CFAP300: variants seen among roughly 807,000 people sequenced by gnomAD.
CFAP300 encodes cilia- and flagella-associated protein 300.
In CFAP300, 32 loss-of-function variants were observed where a neutral mutation model predicts 33.0. The ratio of observed to expected loss-of-function variants is 0.97; its 90% CI spans 0.73 to 1.30. The LOEUF (loss-of-function observed/expected upper bound fraction) is 1.30, where lower values mean the gene tolerates loss of function less well. CFAP300 is among the 50% of genes most tolerant of loss of function. CFAP300 has a pLI of 0.00. For missense variants in CFAP300, 356 were observed against 318.1 expected (o/e 1.12, Z -0.90); for synonymous variants, 102 against 106.8 (o/e 0.95, Z 0.28).
At chr11:102,076,360 G>T (rs1942394811) in intron 5 of CFAP300, among the ~76,000 whole-genome samples, 1 of 152,042 alleles carries the variant, frequency 6.6e-6, no homozygotes, top group South Asian at 2.1e-4. Flanking sequence ...TTTTAAATCT[G>T]AAGGGAACAC....
chr11:102,067,579 C>G (rs1488684146), intron 4 of CFAP300, among the ~76,000 whole-genome samples: 3 of 152,166 alleles, frequency 2.0e-5, no homozygotes, highest in Non-Finnish European at 2.9e-5. Context: ...TTTTGAGCCT[C>G]AAGATCTTAT....
At chr11:102,050,085 G>T (rs1302904075) in intron 2 of CFAP300, among the ~76,000 whole-genome samples, 1 of 151,862 alleles carries the variant, frequency 6.6e-6, no homozygotes, top group Non-Finnish European at 1.5e-5. Context: ...AGCTATGATC[G>T]CACCTCTGCA....
At chr11:102,082,970 C>T (rs1430236870) in intron 6 of CFAP300, 101 bp from the exon 7 acceptor site, 2 of 574,538 alleles carry the variant, frequency 3.5e-6, no homozygotes, top group African/African-American at 4.1e-5. Flanking sequence ...GCACTCCAGC[C>T]TGGGCGACGG....
intron 2 of CFAP300, among the ~76,000 whole-genome samples, chr11:102,051,119 G>A (rs544927442): frequency 6.6e-5 from 10 of 152,290 alleles, no homozygotes; most frequent in Middle Eastern, 3.4e-3. Context: ...TGGTTGACTC[G>A]AGTGGCTGAT....
At position 102,084,001 on chromosome 11, in the gene CFAP300, C is replaced by CA. The variant is rs1437963515; in HGVS notation, c.*804dup. 1 of 151,074 alleles carries CA rather than the reference C, an allele frequency of 6.6e-6. No individual in the cohort carries two copies. The highest frequency in any genetic ancestry group is 1.5e-5 in the Non-Finnish European group (1 of 67,940). The allele number at this position is 151,074 out of a possible 1,614,324, so 9.4% of individuals were successfully genotyped here. A position where few individuals can be genotyped will look rare whatever the true frequency, so the allele number is the denominator to read the frequency against. On this transcript the variant is annotated 3_prime_UTR_variant, in exon 7 of 7. Transcript: ENST00000434758. ...CTGTACTCTAGCTCTGGCAACAGAG[C>CA]AAGACTCCGTCTCAGAAAAAAAAAA...
intron 2 of CFAP300, among the ~76,000 whole-genome samples, chr11:102,051,802 G>GCC (rs1179433310): frequency 6.6e-6 from 1 of 152,114 alleles, no homozygotes; most frequent in Non-Finnish European, 1.5e-5. Flanking sequence ...TCCTGCCTCA[G>GCC]CCTCCCAAAG....
chr11:102,081,563 G>C, intron 6 of CFAP300: 1 of 463,994 alleles, frequency 2.2e-6, no homozygotes. Context: ...AGTTCTCTTA[G>C]TCTGTCAAAC....
At chr11:102,056,647 A>G (rs7127853) in intron 2 of CFAP300, among the ~76,000 whole-genome samples, 1,644 of 151,962 alleles carry the variant, frequency 0.011, 33 homozygotes, top group African/African-American at 0.038. Context: ...TTGTTTTAAG[A>G]TAGTCTCACT....
chr11:102,079,116 T>G (rs755590002), intron 5 of CFAP300, among the ~76,000 whole-genome samples: 1 of 152,218 alleles, frequency 6.6e-6, no homozygotes, highest in Non-Finnish European at 1.5e-5. Flanking sequence ...AGTTTTTTCT[T>G]TCCTCAGATT....
intron 2 of CFAP300, among the ~76,000 whole-genome samples, chr11:102,054,016 T>C (rs910308672): frequency 6.6e-6 from 1 of 152,246 alleles, no homozygotes; most frequent in Non-Finnish European, 1.5e-5. Flanking sequence ...AGAGCCTGAT[T>C]GCTAGACTTT....
chr11:102,048,557 G>A (rs1941922425), intron 2 of CFAP300, among the ~76,000 whole-genome samples: 1 of 151,930 alleles, frequency 6.6e-6, no homozygotes, highest in Non-Finnish European at 1.5e-5. Context: ...CAGCTTTATC[G>A]CCGCTTTATT....
intron 3 of CFAP300, among the ~76,000 whole-genome samples, chr11:102,063,209 G>A (rs931857647): frequency 3.9e-5 from 6 of 152,208 alleles, no homozygotes; most frequent in African/African-American, 7.2e-5. Context: ...CTGCCACCTC[G>A]GTGGGTCCAG....
At chr11:102,049,309 A>G (rs938698925) in intron 2 of CFAP300, among the ~76,000 whole-genome samples, 6 of 152,196 alleles carry the variant, frequency 3.9e-5, no homozygotes, top group African/African-American at 1.4e-4. Flanking sequence ...TGTCAGTCCC[A>G]TAGCCTTTTC....
At chr11:102,069,672 A>G (rs1015157033) in intron 4 of CFAP300, among the ~76,000 whole-genome samples, 1 of 151,978 alleles carries the variant, frequency 6.6e-6, no homozygotes, top group Admixed American at 6.6e-5. Context: ...ACATGGTGGC[A>G]TGCGCCTGTA....
Position 102,066,676 on chromosome 11 carries a change from G to A in CFAP300, c.435+25G>A, listed in dbSNP as rs752638785. On this transcript the variant is annotated intron_variant, in intron 4 of 6. Transcript: ENST00000434758. ...AGTAAGTACAGAATTTTAAAATTTCGCAGTGGAATTTTATTTCAGGAAATG... is the reference window on the plus strand; with the variant it reads ...AGTAAGTACAGAATTTTAAAATTTCACAGTGGAATTTTATTTCAGGAAATG... The A allele has an allele frequency of 2.0e-5, 32 of 1,561,182 alleles. No individual in the cohort carries two copies. In the South Asian group the frequency reaches 2.5e-4, roughly 12 times the overall value.
At chr11:102,069,282 C>T (rs553691787) in intron 4 of CFAP300, among the ~76,000 whole-genome samples, 115 of 152,208 alleles carry the variant, frequency 7.6e-4, no homozygotes, top group Non-Finnish European at 1.2e-3. Flanking sequence ...CCAGCTTCAG[C>T]CTGAACTAAA....
At chr11:102,060,226 G>T (rs1942128832) in intron 3 of CFAP300, among the ~76,000 whole-genome samples, 1 of 151,550 alleles carries the variant, frequency 6.6e-6, no homozygotes. Context: ...GCCAACCTTG[G>T]CCTCCCAAAG....
chr11:102,067,898 C>A (rs150717448), intron 4 of CFAP300, among the ~76,000 whole-genome samples: 14 of 152,156 alleles, frequency 9.2e-5, no homozygotes, highest in African/African-American at 2.9e-4. Context: ...CAGAGTGAGA[C>A]CTTGTCTCTA....
chr11:102,059,043 G>T, intron 3 of CFAP300, 88 bp downstream of exon 3: 1 of 732,376 alleles, frequency 1.4e-6, no homozygotes. Flanking sequence ...AATATAAATT[G>T]GGAATGACTC....
Sources: allele counts gnomAD v4.1 joint callset (sites outside exome capture counted in the v4.1 genomes callset), GRCh38; gene constraint gnomAD v4.1.1; transcripts MANE v1.5; gene names NCBI Gene and HGNC (gene_info 2026-07-23, HGNC 2026-07-21).